The following SGCD variants were observed in gnomAD, a reference collection of about 807,000 sequenced individuals.
SGCD encodes sarcoglycan delta.
A neutral mutation model predicts 36.6 loss-of-function variants in SGCD; 18 were observed. The observed-to-expected ratio is 0.49, with a 90% CI of 0.34 to 0.73. The LOEUF is 0.73. Among genes scored for constraint, SGCD ranks in the 30% least tolerant of loss-of-function variants. SGCD has a pLI of 0.01. For synonymous variants in SGCD, 133 were observed against 130.6 expected, an observed-to-expected ratio of 1.02 and a Z score of -0.12; for missense variants, 387 against 346.7, an observed-to-expected ratio of 1.12 and a Z score of -0.92.
At position 156,765,559 on chromosome 5, in the gene SGCD, ATATT is replaced by A. The variant is rs1757572683; in HGVS notation, c.*6174_*6177del. On this transcript the variant is annotated 3_prime_UTR_variant, in exon 9 of 9. Coordinates refer to ENST00000337851, the MANE Select transcript of SGCD (RefSeq NM_000337.6). ...TGTATTCTATTATTCAATTTTAAGA[ATATT>A]TATTAATATTCACTGAGCTATTGCT... 6.6e-6 allele frequency: 1 copy of A among 152,198 alleles called. No homozygotes were observed. The highest frequency in any genetic ancestry group is 2.4e-5 in the African/African-American group (1 of 41,450). The allele number at this position is 152,198 out of a possible 1,614,324, so 9.4% of individuals were successfully genotyped here.
chr5:156,461,230 A>G (rs141159060), intron 3 of SGCD, among the ~76,000 whole-genome samples: 12 of 152,048 alleles, frequency 7.9e-5, no homozygotes, highest in African/African-American at 2.9e-4. Context: ...TAAGATGTGT[A>G]TTGCATTCTT....
At chr5:155,949,214 A>C (rs918884350) in intron 1 of SGCD, among the ~76,000 whole-genome samples, 8 of 152,210 alleles carry the variant, frequency 5.3e-5, no homozygotes, top group African/African-American at 1.9e-4. Flanking sequence ...TGTTCTTCCA[A>C]CAGATGCCTT....
At chr5:155,940,934 G>T (rs74322565) in intron 1 of SGCD, among the ~76,000 whole-genome samples, 14,575 of 152,080 alleles carry the variant, frequency 0.096, 793 homozygotes, top group South Asian at 0.17. Context: ...TTCATGAGGA[G>T]TGTCTTAGTC....
chr5:156,528,693 A>G (rs1283633070), intron 4 of SGCD, among the ~76,000 whole-genome samples: 1 of 152,204 alleles, frequency 6.6e-6, no homozygotes, highest in Non-Finnish European at 1.5e-5. Flanking sequence ...AGAGGGCTAA[A>G]GGTAATAAGT....
At chr5:156,190,034 G>A (rs958773861) in intron 3 of SGCD, among the ~76,000 whole-genome samples, 4 of 152,148 alleles carry the variant, frequency 2.6e-5, no homozygotes, top group African/African-American at 9.7e-5. Flanking sequence ...CCTATTTAAT[G>A]TTTCTGAAAG....
At chr5:156,043,600 CTT>C (rs1320227175) in intron 1 of SGCD, among the ~76,000 whole-genome samples, 1 of 152,112 alleles carries the variant, frequency 6.6e-6, no homozygotes, top group Non-Finnish European at 1.5e-5. Context: ...TTGGAAAAAG[CTT>C]TTATTTTGTC....
intron 1 of SGCD, among the ~76,000 whole-genome samples, chr5:156,029,768 C>G (rs917446692): frequency 6.6e-6 from 1 of 152,142 alleles, no homozygotes; most frequent in Non-Finnish European, 1.5e-5. Flanking sequence ...TTCTCTAGGG[C>G]TCTGGCTATG....
chr5:156,577,573 G>C (rs1331297119), intron 4 of SGCD, among the ~76,000 whole-genome samples: 2 of 152,114 alleles, frequency 1.3e-5, no homozygotes, highest in East Asian at 3.8e-4. Flanking sequence ...CCATTTGTTT[G>C]CATCCTCTTT....
intron 1 of SGCD, among the ~76,000 whole-genome samples, chr5:156,056,341 T>C (rs1380529570): frequency 6.8e-6 from 1 of 146,104 alleles, no homozygotes; most frequent in East Asian, 1.9e-4. Context: ...TTTGTAGGAC[T>C]AACAAATTAT....
intron 1 of SGCD, among the ~76,000 whole-genome samples, chr5:156,093,796 A>C (rs957538603): frequency 1.6e-4 from 24 of 152,192 alleles, no homozygotes; most frequent in African/African-American, 5.5e-4. Flanking sequence ...ACATCTGCTT[A>C]AGTGGGCTGA....
chr5:156,376,022 G>C (rs534999239), intron 3 of SGCD, among the ~76,000 whole-genome samples: 5 of 152,228 alleles, frequency 3.3e-5, no homozygotes, highest in Non-Finnish European at 7.3e-5. Context: ...ATAGATAGAA[G>C]ATCAGTGACT....
intron 6 of SGCD, among the ~76,000 whole-genome samples, chr5:156,629,073 C>T (rs921983421): frequency 1.3e-5 from 2 of 152,198 alleles, no homozygotes; most frequent in Non-Finnish European, 2.9e-5. Flanking sequence ...TCAGTTTCCT[C>T]ATCTGCAGAG....
At chr5:155,801,896 A>T in the SGCD span, among the ~76,000 whole-genome samples, 1 of 152,244 alleles carries the variant, frequency 6.6e-6, no homozygotes, top group Non-Finnish European at 1.5e-5. Context: ...AATTGTAATC[A>T]TAATTCCTTG....
intron 6 of SGCD, among the ~76,000 whole-genome samples, chr5:156,643,404 CTT>C (rs573937956): frequency 4.1e-4 from 63 of 152,148 alleles, no homozygotes; most frequent in African/African-American, 1.5e-3. Context: ...CTTCTTACCT[CTT>C]TGCTTCACCA....
intron 3 of SGCD, among the ~76,000 whole-genome samples, chr5:156,391,738 A>T (rs554184865): frequency 1.3e-5 from 2 of 152,340 alleles, no homozygotes; most frequent in African/African-American, 2.4e-5. Flanking sequence ...TCTGCTGCAG[A>T]TACTAAGGGA....
chr5:156,316,756 C>A (rs1581238682), intron 3 of SGCD, among the ~76,000 whole-genome samples: 1 of 151,994 alleles, frequency 6.6e-6, no homozygotes, highest in East Asian at 1.9e-4. Flanking sequence ...AGACTTTATC[C>A]TGTGAGAGAT....
At chr5:156,309,117 G>T (rs1303109900) in intron 3 of SGCD, among the ~76,000 whole-genome samples, 1 of 152,088 alleles carries the variant, frequency 6.6e-6, no homozygotes, top group Admixed American at 6.5e-5. Context: ...ATTTCTCTGT[G>T]TGTGTCCTTT....
At chr5:155,974,641 A>G (rs1220408357) in intron 1 of SGCD, among the ~76,000 whole-genome samples, 2 of 151,958 alleles carry the variant, frequency 1.3e-5, no homozygotes, top group African/African-American at 4.8e-5. Flanking sequence ...TGCCCCAGAC[A>G]TCATAGGTGG....
At chr5:156,047,845 T>C (rs1391194534) in intron 1 of SGCD, among the ~76,000 whole-genome samples, 2 of 152,152 alleles carry the variant, frequency 1.3e-5, no homozygotes, top group African/African-American at 4.8e-5. Flanking sequence ...AATTATACTT[T>C]AAGTTTTAGG....
Sources: allele counts gnomAD v4.1 joint callset (sites outside exome capture counted in the v4.1 genomes callset), GRCh38; gene constraint gnomAD v4.1.1; transcripts MANE v1.5; gene names NCBI Gene and HGNC (gene_info 2026-07-23, HGNC 2026-07-21).